GAB2: variants seen among roughly 807,000 people sequenced by gnomAD.
GAB2 encodes the protein GRB2-associated-binding protein 2.
In GAB2, 26 loss-of-function variants were observed where a neutral mutation model predicts 65.5. The ratio of observed to expected loss-of-function variants is 0.40; its 90% CI spans 0.29 to 0.55. The LOEUF (loss-of-function observed/expected upper bound fraction) is 0.55, where lower values mean the gene tolerates loss of function less well. GAB2 is among the 20% of genes least tolerant of loss of function. The probability of loss-of-function intolerance (pLI) is 0.53; values close to 1 mark genes in which losing one functional copy is unlikely to be tolerated. For synonymous variants in GAB2, 321 were observed against 329.6 expected (o/e 0.97, Z 0.28); for missense variants, 884 against 875.8 (o/e 1.01, Z -0.12).
rs753406598 is a variant in GAB2, at chr11:78,219,373, C to T, written c.1930G>A (p.Val644Ile). The change falls in exon 10 of 10, where the codon GTT becomes ATT. Residue 644 changes from valine to isoleucine, a missense_variant. Transcript: ENST00000361507. ...TGGGTCTTCTCCTTGTCCACCTGAA[C>T]GTAGTCCACCTTCTCATCAGAGGTG... ...SVTSDEKVDY[V>I]QVDKEKTQAL... 6.2e-6 allele frequency: 10 copies of T among 1,613,928 alleles called. No homozygotes were observed. The highest frequency in any genetic ancestry group is 2.2e-5 in the South Asian group (2 of 91,080).
intron 1 of GAB2, among the ~76,000 whole-genome samples, chr11:78,370,713 G>GTGTGTGTA (rs1554995529): frequency 7.8e-4 from 94 of 120,864 alleles, no homozygotes; most frequent in African/African-American, 3.3e-3. Flanking sequence ...GTGTGTGTGC[G>GTGTGTGTA]TGTGTGTGTG....
In GAB2 at chr11:78,379,503, C is replaced by T. The variant is rs190620734; in HGVS notation, c.75+38143G>A. ...GAAAGGGTTTTCTCACACAGTTGAC[C>T]GACAAGACAGATTTCCTACTGGCTG... On this transcript the variant is annotated intron_variant, in intron 1 of 9. Transcript: ENST00000361507. Among the ~76,000 whole-genome samples the T allele has an allele frequency of 1.2e-4, 18 of 152,254 alleles. No homozygotes were observed. In the East Asian group the frequency reaches 2.3e-3, roughly 20 times the overall value.
At chr11:78,341,594 T>C (rs1203501303) in intron 1 of GAB2, among the ~76,000 whole-genome samples, 2 of 152,196 alleles carry the variant, frequency 1.3e-5, no homozygotes, top group Admixed American at 6.5e-5. Flanking sequence ...TTAAAAGATA[T>C]CATTTAATGC....
chr11:78,399,334 G>A (rs1272647671), intron 1 of GAB2, among the ~76,000 whole-genome samples: 5 of 152,196 alleles, frequency 3.3e-5, no homozygotes, highest in African/African-American at 1.2e-4. Context: ...CCCAGAAGGC[G>A]GCTCCCTTTG....
chr11:78,284,540 C>T (rs140638342), intron 1 of GAB2, among the ~76,000 whole-genome samples: 3 of 152,302 alleles, frequency 2.0e-5, no homozygotes, highest in South Asian at 4.1e-4. Context: ...CAGTGCCAGG[C>T]GTGCTCCTGC....
At chr11:78,288,382 G>GA (rs369041941) in intron 1 of GAB2, among the ~76,000 whole-genome samples, 80,324 of 119,584 alleles carry the variant, frequency 0.67, 27,390 homozygotes, top group Non-Finnish European at 0.72. Context: ...CCATCTCAAA[G>GA]AAAAAAAAAA....
intron 8 of GAB2, among the ~76,000 whole-genome samples, chr11:78,221,362 G>A (rs1297973086): frequency 6.6e-6 from 1 of 152,142 alleles, no homozygotes; most frequent in Non-Finnish European, 1.5e-5. Context: ...CTCCACCACT[G>A]AGGAGATACC....
At chr11:78,240,306 A>G (rs1459778152) in intron 3 of GAB2, among the ~76,000 whole-genome samples, 1 of 152,102 alleles carries the variant, frequency 6.6e-6, no homozygotes, top group African/African-American at 2.4e-5. Context: ...GAGCTGAAGT[A>G]GCACACTGTC....
chr11:78,394,591 C>A (rs912764070), intron 1 of GAB2, among the ~76,000 whole-genome samples: 1 of 152,220 alleles, frequency 6.6e-6, no homozygotes, highest in African/African-American at 2.4e-5. Context: ...TCTGATCAGG[C>A]AGTCGACTTA....
chr11:78,278,725 G>GTT (rs60501874), intron 2 of GAB2, among the ~76,000 whole-genome samples: 2 of 140,208 alleles, frequency 1.4e-5, no homozygotes, highest in East Asian at 2.1e-4. Context: ...CAACATTTTT[G>GTT]TTTTTTTTTT....
intron 1 of GAB2, among the ~76,000 whole-genome samples, chr11:78,349,898 C>T (rs1428458654): frequency 6.9e-6 from 1 of 144,880 alleles, no homozygotes; most frequent in Admixed American, 7.0e-5. Flanking sequence ...GCTGAACAGG[C>T]GAATGGATCA....
At chr11:78,411,083 T>C (rs1478541865) in intron 1 of GAB2, among the ~76,000 whole-genome samples, 1 of 151,308 alleles carries the variant, frequency 6.6e-6, no homozygotes, top group Non-Finnish European at 1.5e-5. Flanking sequence ...AGCCCAGGAA[T>C]TTGAGGCTGC....
At chr11:78,392,412 C>G (rs1291085441) in intron 1 of GAB2, 1 of 152,158 alleles carries the variant, frequency 6.6e-6, no homozygotes, top group African/African-American at 2.4e-5. Context: ...TAGGAACAAT[C>G]AGTGCAGTCG....
intron 1 of GAB2, among the ~76,000 whole-genome samples, chr11:78,403,545 T>C (rs976346128): frequency 6.6e-6 from 1 of 152,204 alleles, no homozygotes; most frequent in Non-Finnish European, 1.5e-5. Flanking sequence ...TGCAGAAGAA[T>C]GAAACTAGAC....
chr11:78,359,397 C>T (rs1293942639), intron 1 of GAB2, among the ~76,000 whole-genome samples: 2 of 152,102 alleles, frequency 1.3e-5, no homozygotes, highest in African/African-American at 4.8e-5. Context: ...TGAACAGCAA[C>T]AGTGAAATCT....
At chr11:78,319,871 C>CTTTT (rs59307063) in intron 1 of GAB2, among the ~76,000 whole-genome samples, 2 of 145,716 alleles carry the variant, frequency 1.4e-5, no homozygotes, top group Non-Finnish European at 1.5e-5. Context: ...AAGAAACAGA[C>CTTTT]TTTTTTTTTT....
rs1171831284 is a variant in GAB2, at chr11:78,226,620, G to C, written c.1052C>G (p.Pro351Arg). 5 of 1,500,456 alleles carry C rather than the reference G, an allele frequency of 3.3e-6. No individual in the cohort carries two copies. Among genetic ancestry groups the C allele is most frequent in the Non-Finnish European group, 4.6e-6 (5 of 1,079,038 alleles). The allele number at this position is 1,500,456 out of a possible 1,614,324, so 92.9% of individuals were successfully genotyped here. ...VATPGDSAIA[P>R]PPRPPKPSQA... is the part of the protein sequence containing the mutation. The stretch of plus-strand genomic sequence containing the variant: ...ACTTGGCTTGGGGGGGCGGGGTGGG[G>C]GAGCTATGGCTGAGTCCCCAGGAGT... Residue 351 changes from proline (P) to arginine (R), a missense_variant, in exon 4 of 10, where the codon CCC (proline) becomes CGC (arginine). By Grantham distance (103) the Pro-to-Arg change is moderately radical. Coordinates refer to ENST00000361507, the MANE Select transcript of GAB2 (RefSeq NM_080491.3).
chr11:78,284,373 G>A (rs1295020640), intron 1 of GAB2, among the ~76,000 whole-genome samples: 4 of 152,158 alleles, frequency 2.6e-5, no homozygotes, highest in East Asian at 3.9e-4. Context: ...CCACTTCTCC[G>A]CTCACCATCT....
chr11:78,251,470 C>T (rs1819880204), intron 2 of GAB2, among the ~76,000 whole-genome samples: 1 of 152,232 alleles, frequency 6.6e-6, no homozygotes. Context: ...GGTCATTATT[C>T]ATTTGGCTGG....
Sources: gnomAD v4.1 joint callset for allele counts (sites outside exome capture counted in the v4.1 genomes callset) on GRCh38, gnomAD v4.1.1 for gene constraint, MANE v1.5 for transcripts, NCBI Gene and HGNC (gene_info 2026-07-23, HGNC 2026-07-21) for gene names.